Variants in HS6ST2 observed in about 807,000 individuals in gnomAD.
The protein encoded by HS6ST2 is heparan-sulfate 6-O-sulfotransferase 2.
Under a neutral mutation model 33.0 loss-of-function variants are expected in HS6ST2, and 17 were observed. That is an observed-to-expected ratio of 0.52 (90% CI 0.35 to 0.77). The LOEUF (loss-of-function observed/expected upper bound fraction) is 0.77, where lower values mean the gene tolerates loss of function less well. HS6ST2 is among the 30% of genes least tolerant of loss of function. HS6ST2 has a pLI of 0.01. For synonymous variants in HS6ST2, 248 were observed against 237.1 expected (o/e 1.05, Z -0.42); for missense variants, 519 against 551.7 (o/e 0.94, Z 0.59).
At chrX:132,911,017 G>T (rs1446273927) in intron 2 of HS6ST2, among the ~76,000 whole-genome samples, 1 of 110,750 alleles carries the variant, frequency 9.0e-6, no homozygotes, top group Non-Finnish European at 1.9e-5. Context: ...GGGTGTGGTG[G>T]CACATGCCTG....
At chrX:132,723,393 C>T (rs139231313) in intron 2 of HS6ST2, among the ~76,000 whole-genome samples, 511 of 111,633 alleles carry the variant, frequency 4.6e-3, no homozygotes, top group East Asian at 9.8e-3. Flanking sequence ...AGGCCAATAT[C>T]GCTAATGAAT....
intron 2 of HS6ST2, among the ~76,000 whole-genome samples, chrX:132,790,268 C>G (rs2065108899): frequency 1.8e-5 from 2 of 112,200 alleles, no homozygotes; most frequent in South Asian, 7.5e-4. Flanking sequence ...GACCCTTCAC[C>G]AGCAAAACAA....
chrX:132,805,797 T>C (rs1368230764), intron 2 of HS6ST2, among the ~76,000 whole-genome samples: 1 of 110,463 alleles, frequency 9.1e-6, no homozygotes, highest in Non-Finnish European at 1.9e-5. Flanking sequence ...TGAAATTTAA[T>C]ATCTCACAAG....
At chrX:132,710,697 C>T (rs776172348) in intron 2 of HS6ST2, among the ~76,000 whole-genome samples, 5 of 111,755 alleles carry the variant, frequency 4.5e-5, no homozygotes, top group Non-Finnish European at 7.5e-5. Flanking sequence ...TTGGAAGGGA[C>T]GTTACAAATT....
At position 132,865,552 on chromosome X, in the gene HS6ST2, C is replaced by A. The variant is rs1179572669; in HGVS notation, c.947+91256G>T. Among the ~76,000 whole-genome samples, 5 of 110,822 alleles carry A rather than the reference C, an allele frequency of 4.5e-5. No homozygotes were observed. In the Admixed American group the frequency reaches 4.8e-4, roughly 11 times the overall value. Reference sequence around the variant, plus strand: ...GTTCTAGATCCCTGAGGAATCACCACACTGACTTCCACAATGGTTGAACTA... The same window carrying A: ...GTTCTAGATCCCTGAGGAATCACCAAACTGACTTCCACAATGGTTGAACTA... On this transcript the variant is annotated intron_variant, in intron 2 of 4. Transcript: ENST00000370833.
chrX:132,723,339 A>T (rs898490308), intron 2 of HS6ST2, among the ~76,000 whole-genome samples: 3 of 112,095 alleles, frequency 2.7e-5, no homozygotes, highest in Admixed American at 1.9e-4. Flanking sequence ...GGCCAGTATT[A>T]CCCTGATACC....
chrX:132,669,317 C>G lies in HS6ST2; in HGVS notation c.981-118G>C, dbSNP rs1602561571. 9 of 445,877 alleles carry G rather than the reference C, an allele frequency of 2.0e-5. No homozygotes were observed. In the East Asian group the frequency reaches 3.7e-4, roughly 19 times the overall value. The allele number at this position is 445,877 out of a possible 1,213,427, so 36.7% of individuals were successfully genotyped here. A position where few individuals can be genotyped will look rare whatever the true frequency, so the allele number is the denominator to read the frequency against. On this transcript the variant is annotated intron_variant, in intron 3 of 4. Coordinates refer to ENST00000370833, the MANE Select transcript of HS6ST2 (RefSeq NM_001394073.1). ...AGCCTGCATATCCCCCCACCACCCC[C>G]TGGCCAATCTCTCTCTCTCTCTCTC... is the stretch of plus-strand genomic sequence containing the variant.
chrX:132,735,193 A>G (rs777419700), intron 2 of HS6ST2: 1 of 111,997 alleles, frequency 8.9e-6, no homozygotes, highest in South Asian at 3.8e-4. Context: ...ATTCTGAATC[A>G]GTTGTCAACG....
intron 4 of HS6ST2, among the ~76,000 whole-genome samples, chrX:132,661,500 G>A (rs1001568431): frequency 2.7e-5 from 3 of 111,309 alleles, no homozygotes; most frequent in African/African-American, 9.8e-5. Flanking sequence ...AATAGGAAAA[G>A]CGTGTATCCT....
intron 2 of HS6ST2, among the ~76,000 whole-genome samples, chrX:132,785,068 A>T (rs1021599589): frequency 8.9e-6 from 1 of 112,192 alleles, no homozygotes; most frequent in Admixed American, 9.5e-5. Context: ...GACTGAAACA[A>T]TTTGTTGAAA....
At chrX:132,722,888 A>C (rs1202990117) in intron 2 of HS6ST2, among the ~76,000 whole-genome samples, 1 of 109,890 alleles carries the variant, frequency 9.1e-6, no homozygotes, top group South Asian at 3.8e-4. Context: ...AAAAAACAAA[A>C]AAAAAAAAAC....
intron 2 of HS6ST2, among the ~76,000 whole-genome samples, chrX:132,865,630 C>T (rs182037362): frequency 0.037 from 4,112 of 111,182 alleles, 64 homozygotes; most frequent in Non-Finnish European, 0.058. Context: ...CACATCCTCT[C>T]CAGCACCTGT....
chrX:132,823,858 AT>A (rs2065488723), intron 2 of HS6ST2, among the ~76,000 whole-genome samples: 3 of 101,486 alleles, frequency 3.0e-5, no homozygotes, highest in African/African-American at 1.1e-4. Context: ...ATAAAAAATA[AT>A]AATAATAATA....
At chrX:132,706,291 C>T (rs1391180666) in intron 3 of HS6ST2, among the ~76,000 whole-genome samples, 2 of 112,012 alleles carry the variant, frequency 1.8e-5, no homozygotes, top group Non-Finnish European at 3.8e-5. Flanking sequence ...AACTGATTGG[C>T]ATGTCAGCAT....
intron 2 of HS6ST2, among the ~76,000 whole-genome samples, chrX:132,767,474 T>C (rs1019692888): frequency 8.9e-6 from 1 of 112,260 alleles, no homozygotes; most frequent in East Asian, 2.8e-4. Context: ...ATGGGAATAG[T>C]AATAATTTCC....
intron 2 of HS6ST2, among the ~76,000 whole-genome samples, chrX:132,896,886 A>T (rs1472913439): frequency 8.9e-6 from 1 of 112,055 alleles, no homozygotes; most frequent in Non-Finnish European, 1.9e-5. Context: ...ACATCTAGAA[A>T]GAGATTCAAA....
intron 2 of HS6ST2, among the ~76,000 whole-genome samples, chrX:132,816,815 G>C (rs772043914): frequency 1.8e-5 from 2 of 111,508 alleles, no homozygotes; most frequent in African/African-American, 3.3e-5. Flanking sequence ...AGGAAGTCTC[G>C]CTGCCAGCTG....
chrX:132,896,610 C>T (rs2066378809), intron 2 of HS6ST2, among the ~76,000 whole-genome samples: 1 of 111,633 alleles, frequency 9.0e-6, no homozygotes, highest in Admixed American at 9.5e-5. Context: ...AGGGTAAATG[C>T]TTGAGGGGAT....
At chrX:132,818,558 T>G (rs2065418943) in intron 2 of HS6ST2, among the ~76,000 whole-genome samples, 2 of 111,455 alleles carry the variant, frequency 1.8e-5, no homozygotes, top group African/African-American at 3.3e-5. Context: ...GGAGGTTTTG[T>G]CTCTTGAAAA....
Sources: gnomAD v4.1 joint callset for allele counts (sites outside exome capture counted in the v4.1 genomes callset) on GRCh38, gnomAD v4.1.1 for gene constraint, MANE v1.5 for transcripts, NCBI Gene and HGNC (gene_info 2026-07-23, HGNC 2026-07-21) for gene names.